Variants in GALNTL6 observed in about 807,000 individuals in gnomAD.
GALNTL6 encodes the protein polypeptide N-acetylgalactosaminyltransferase-like 6.
A neutral mutation model predicts 73.7 loss-of-function variants in GALNTL6; 46 were observed. The observed-to-expected ratio is 0.62, with a 90% CI of 0.49 to 0.80. The LOEUF (loss-of-function observed/expected upper bound fraction) is 0.80. Among genes scored for constraint, GALNTL6 ranks in the 30% least tolerant of loss-of-function variants. GALNTL6 has a pLI of 0.00. For missense variants in GALNTL6, 604 were observed against 755.0 expected (o/e 0.80, Z 2.34); for synonymous variants, 259 against 263.7 (o/e 0.98, Z 0.17).
Position 172,322,975 on chromosome 4 carries a change from A to G in GALNTL6, c.386+11223A>G, listed in dbSNP as rs200738973. Among the ~76,000 whole-genome samples, 122 of 152,332 alleles carry G rather than the reference A, an allele frequency of 8.0e-4. 2 individuals carry two copies. In the South Asian group the frequency reaches 0.016, roughly 19 times the overall value. ...GAGTTAATAGTAGAAAAAATATTCT[A>G]AGAAATAATGGCAGAAATCTTTTCA... On this transcript the variant is annotated intron_variant, in intron 4 of 12. Coordinates refer to ENST00000506823, the MANE Select transcript of GALNTL6 (RefSeq NM_001034845.3).
intron 3 of GALNTL6, among the ~76,000 whole-genome samples, chr4:172,250,191 A>G (rs1338649138): frequency 1.3e-5 from 2 of 152,070 alleles, no homozygotes; most frequent in Admixed American, 1.3e-4. Context: ...GTGTGACTCC[A>G]TGTGAGTCAT....
intron 2 of GALNTL6, among the ~76,000 whole-genome samples, chr4:172,035,168 A>G (rs1579077368): frequency 1.3e-5 from 2 of 152,260 alleles, no homozygotes; most frequent in Non-Finnish European, 2.9e-5. Flanking sequence ...TAAAGTAAGT[A>G]AAGTAAAAAG....
chr4:172,497,918 C>A (rs1397942458), intron 5 of GALNTL6, among the ~76,000 whole-genome samples: 1 of 151,772 alleles, frequency 6.6e-6, no homozygotes, highest in Non-Finnish European at 1.5e-5. Flanking sequence ...CCATCCCCAA[C>A]AGCCAAAATA....
rs553824146 is a variant in GALNTL6 at position 172,879,513 on chromosome 4, T to G, written c.924-3277T>G. On this transcript the variant is annotated intron_variant, in intron 7 of 12. Coordinates refer to ENST00000506823, the MANE Select transcript of GALNTL6 (RefSeq NM_001034845.3). ...CCAAATATTTGGAAACTAAGTTATA[T>G]ACTTCTATATAACATATAGGTCAAA... Among the ~76,000 whole-genome samples, 667 of 152,040 alleles carry G rather than the reference T, an allele frequency of 4.4e-3. 5 individuals are homozygous for G. The highest frequency in any genetic ancestry group is 0.015 in the African/African-American group (628 of 41,562).
chr4:172,621,615 A>G (rs1386932310), intron 5 of GALNTL6, among the ~76,000 whole-genome samples: 2 of 152,186 alleles, frequency 1.3e-5, no homozygotes, highest in Non-Finnish European at 2.9e-5. Flanking sequence ...TGTTTGTAAT[A>G]CAGTTTTAAA....
Position 172,762,247 on chromosome 4 carries a change from C to A in GALNTL6, c.554-47114C>A, listed in dbSNP as rs1738153273. On this transcript the variant is annotated intron_variant, in intron 5 of 12. Transcript: ENST00000506823. ...TTCTGCTCATTCAACTGCAGAGGTACAAGAGGGAAAAGTCAAATACAGGGG... is the reference window on the plus strand; with the variant it reads ...TTCTGCTCATTCAACTGCAGAGGTAAAAGAGGGAAAAGTCAAATACAGGGG... 2.0e-5 allele frequency among the ~76,000 whole-genome samples: 3 copies of A among 152,092 alleles called. No homozygotes were observed. The South Asian group carries it at 6.2e-4, about 32-fold the overall frequency.
chr4:172,444,851 A>C, intron 5 of GALNTL6, among the ~76,000 whole-genome samples: 1 of 152,030 alleles, frequency 6.6e-6, no homozygotes, highest in African/African-American at 2.4e-5. Flanking sequence ...TTTTAGAATG[A>C]GGAAAAAAAA....
intron 2 of GALNTL6, among the ~76,000 whole-genome samples, chr4:171,940,681 G>T (rs554319567): frequency 2.6e-5 from 4 of 151,966 alleles, no homozygotes; most frequent in African/African-American, 9.6e-5. Flanking sequence ...AAAATTAGCT[G>T]GGCTTTGTGG....
rs1194461237 is a variant in GALNTL6 at position 172,892,988 on chromosome 4, G to C, written c.1041+10081G>C. On this transcript the variant is annotated intron_variant, in intron 8 of 12. Transcript: ENST00000506823. ...GTGGTCTGGTGATGCAGTGGGTCAA[G>C]GGCAGAGGATGCCCAGGCAGGACAG... Among the ~76,000 whole-genome samples the C allele has an allele frequency of 2.6e-5, 4 of 152,196 alleles. No individual in the cohort carries two copies. In the South Asian group the frequency reaches 8.3e-4, roughly 31 times the overall value.
At chr4:171,838,957 T>C (rs2110839467) in intron 2 of GALNTL6, among the ~76,000 whole-genome samples, 1 of 152,256 alleles carries the variant, frequency 6.6e-6, no homozygotes, top group Admixed American at 6.5e-5. Flanking sequence ...CCTTCCTGTG[T>C]CTCAAGCACC....
chr4:171,872,925 G>A (rs971217821), intron 2 of GALNTL6, among the ~76,000 whole-genome samples: 2 of 152,128 alleles, frequency 1.3e-5, no homozygotes, highest in Non-Finnish European at 2.9e-5. Context: ...GATTGACATG[G>A]AGCTTACATC....
intron 5 of GALNTL6, among the ~76,000 whole-genome samples, chr4:172,390,256 T>TATTGGGTTA (rs1264629334): frequency 3.9e-5 from 6 of 152,204 alleles, no homozygotes; most frequent in Non-Finnish European, 8.8e-5. Context: ...GCTTTTAACA[T>TATTGGGTTA]ACTCTTGGGT....
In GALNTL6 at chr4:172,103,819, T is replaced by C. The variant is rs1355833320; in HGVS notation, c.139-125837T>C. On this transcript the variant is annotated intron_variant, in intron 2 of 12. Coordinates refer to ENST00000506823, the MANE Select transcript of GALNTL6 (RefSeq NM_001034845.3). Reference sequence around the variant, plus strand: ...CTCATTTTCAAAAGGGAGGCTTGCCTGACATTCCTAGCCAGTTGGCATTAG... The same window carrying C: ...CTCATTTTCAAAAGGGAGGCTTGCCCGACATTCCTAGCCAGTTGGCATTAG... Among the ~76,000 whole-genome samples the C allele has an allele frequency of 2.0e-5, 3 of 152,364 alleles. No homozygotes were observed. In the East Asian group the frequency reaches 5.8e-4, roughly 29 times the overall value.
chr4:172,011,886 A>G (rs1230927611), intron 2 of GALNTL6, among the ~76,000 whole-genome samples: 1 of 152,144 alleles, frequency 6.6e-6, no homozygotes, highest in Non-Finnish European at 1.5e-5. Flanking sequence ...ACTTTAAAGA[A>G]TAAATGAATT....
intron 7 of GALNTL6, among the ~76,000 whole-genome samples, chr4:172,879,918 A>G (rs1561010109): frequency 6.6e-6 from 1 of 151,934 alleles, no homozygotes; most frequent in Non-Finnish European, 1.5e-5. Flanking sequence ...CTTTAACATT[A>G]TTAATAATTA....
At chr4:172,454,627 A>G (rs1020907911) in intron 5 of GALNTL6, among the ~76,000 whole-genome samples, 1 of 152,236 alleles carries the variant, frequency 6.6e-6, no homozygotes, top group African/African-American at 2.4e-5. Context: ...AGTGTCCAAC[A>G]TAGAATAAAC....
chr4:172,160,876 T>TTTTA (rs992359801), intron 2 of GALNTL6, among the ~76,000 whole-genome samples: 4 of 146,912 alleles, frequency 2.7e-5, no homozygotes, highest in African/African-American at 1.0e-4. Context: ...GTATTGGAGA[T>TTTTA]TATATATATA....
At chr4:171,887,348 G>T (rs143939005) in intron 2 of GALNTL6, among the ~76,000 whole-genome samples, 158 of 152,308 alleles carry the variant, frequency 1.0e-3, no homozygotes, top group African/African-American at 3.6e-3. Flanking sequence ...TTAGATTGAT[G>T]CTATAGGTAA....
intron 6 of GALNTL6, among the ~76,000 whole-genome samples, chr4:172,812,079 T>G (rs1311164052): frequency 6.6e-6 from 1 of 151,958 alleles, no homozygotes; most frequent in African/African-American, 2.4e-5. Flanking sequence ...GATGGAAGGA[T>G]GGATGGATGG....
Sources: gnomAD v4.1 joint callset for allele counts (sites outside exome capture counted in the v4.1 genomes callset) on GRCh38, gnomAD v4.1.1 for gene constraint, MANE v1.5 for transcripts, NCBI Gene and HGNC (gene_info 2026-07-23, HGNC 2026-07-21) for gene names.